FRAS1: variants seen among roughly 807,000 people sequenced by gnomAD.
FRAS1 encodes the protein Fraser extracellular matrix complex subunit 1.
A neutral mutation model predicts 435.2 loss-of-function variants in FRAS1; 290 were observed. The observed-to-expected ratio is 0.67, with a 90% CI of 0.61 to 0.73. The LOEUF (loss-of-function observed/expected upper bound fraction) is 0.73, where lower values mean the gene tolerates loss of function less well. FRAS1 is among the 30% of genes least tolerant of loss of function. The probability of loss-of-function intolerance (pLI) is 0.00; values close to 1 mark genes in which losing one functional copy is unlikely to be tolerated. For synonymous variants in FRAS1, 1,800 were observed against 1,851.0 expected (o/e 0.97, Z 0.71); for missense variants, 4,860 against 5,001.5 (o/e 0.97, Z 0.85).
intron 27 of FRAS1, among the ~76,000 whole-genome samples, chr4:78,382,739 A>C (rs1247777728): frequency 1.3e-5 from 2 of 152,232 alleles, no homozygotes; most frequent in Non-Finnish European, 1.5e-5. Context: ...ACAGTTTCGC[A>C]GTCTTGTGAC....
intron 35 of FRAS1, among the ~76,000 whole-genome samples, chr4:78,428,869 T>C (rs945888267): frequency 4.6e-5 from 7 of 152,198 alleles, no homozygotes; most frequent in African/African-American, 1.7e-4. Flanking sequence ...TTCTTTATCT[T>C]TTTTCTTATC....
At chr4:78,466,075 A>T in intron 49 of FRAS1, 133 bp from the exon 50 acceptor site, 1 of 657,994 alleles carries the variant, frequency 1.5e-6, no homozygotes, top group Non-Finnish European at 2.7e-6. Context: ...TTTGGTGTCT[A>T]TAAAGAAAAT....
At chr4:78,249,323 C>CTTT (rs11308579) in intron 4 of FRAS1, among the ~76,000 whole-genome samples, 484 of 47,212 alleles carry the variant, frequency 0.01, 15 homozygotes, top group East Asian at 0.014. Context: ...GCAGTGGAGC[C>CTTT]TTTTTTTTTT....
At chr4:78,461,753 AC>A (rs1157150036) in intron 47 of FRAS1, among the ~76,000 whole-genome samples, 2 of 152,246 alleles carry the variant, frequency 1.3e-5, no homozygotes, top group Non-Finnish European at 1.5e-5. Flanking sequence ...CTAGAGATTT[AC>A]CAAGAAGAAT....
intron 28 of FRAS1, 44 bp downstream of exon 28, chr4:78,384,187 A>G: frequency 2.4e-6 from 3 of 1,275,146 alleles, no homozygotes; most frequent in Non-Finnish European, 3.3e-6. Flanking sequence ...CATGACTACT[A>G]GTTCTCAAGC....
At chr4:78,275,393 C>T (rs1313518071) in intron 9 of FRAS1, among the ~76,000 whole-genome samples, 5 of 152,280 alleles carry the variant, frequency 3.3e-5, no homozygotes, top group Middle Eastern at 6.8e-3. Flanking sequence ...TTAGTTGATG[C>T]GGTTTCTTCC....
chr4:78,519,219 G>T, intron 66 of FRAS1, 112 bp from the exon 67 acceptor site: 1 of 848,946 alleles, frequency 1.2e-6, no homozygotes, highest in Non-Finnish European at 1.7e-6. Flanking sequence ...AATAATTATT[G>T]AATAAGTGTG....
At chr4:78,322,194 C>CCGTAT (rs1334047775) in intron 18 of FRAS1, among the ~76,000 whole-genome samples, 1 of 152,152 alleles carries the variant, frequency 6.6e-6, no homozygotes, top group Non-Finnish European at 1.5e-5. Flanking sequence ...GTCAGTCATC[C>CCGTAT]CGTATCTCTG....
At chr4:78,197,813 C>T (rs1398007711) in intron 2 of FRAS1, among the ~76,000 whole-genome samples, 2 of 151,824 alleles carry the variant, frequency 1.3e-5, no homozygotes, top group East Asian at 1.9e-4. Context: ...TGGTGGTGGG[C>T]GCCTGTAGTC....
chr4:78,504,366 T>C (rs746988410), intron 61 of FRAS1, among the ~76,000 whole-genome samples: 19 of 152,222 alleles, frequency 1.2e-4, no homozygotes, highest in Admixed American at 5.2e-4. Flanking sequence ...AATCTCTTTG[T>C]AGTCTCTAAG....
chr4:78,318,732 G>T (rs907296796), intron 17 of FRAS1, 78 bp from the exon 18 acceptor site: 171 of 1,392,670 alleles, frequency 1.2e-4, no homozygotes, highest in Non-Finnish European at 1.5e-4. Context: ...ACTTTTCTAA[G>T]TGGGTTTGAT....
intron 20 of FRAS1, among the ~76,000 whole-genome samples, chr4:78,362,633 T>A (rs528442042): frequency 6.6e-6 from 1 of 152,330 alleles, no homozygotes; most frequent in Admixed American, 6.5e-5. Context: ...CAGCCTTTTC[T>A]GGGTACTGGC....
chr4:78,158,971 G>C (rs1245519902), intron 2 of FRAS1, among the ~76,000 whole-genome samples: 5 of 152,150 alleles, frequency 3.3e-5, no homozygotes, highest in African/African-American at 1.2e-4. Context: ...GATCTTTACT[G>C]TACCTCATTG....
intron 26 of FRAS1, among the ~76,000 whole-genome samples, chr4:78,378,749 G>A (rs1731885674): frequency 6.6e-6 from 1 of 152,004 alleles, no homozygotes; most frequent in African/African-American, 2.4e-5. Context: ...AGTTATAGGA[G>A]TTCTTTATAT....
chr4:78,077,769 A>G (rs1429740347), intron 2 of FRAS1, among the ~76,000 whole-genome samples: 2 of 152,200 alleles, frequency 1.3e-5, no homozygotes, highest in Non-Finnish European at 2.9e-5. Flanking sequence ...GTGTTTTTCA[A>G]AAACCAAACC....
chr4:78,486,252 TAAG>T (rs1720165060), intron 58 of FRAS1, among the ~76,000 whole-genome samples: 1 of 152,212 alleles, frequency 6.6e-6, no homozygotes, highest in Non-Finnish European at 1.5e-5. Flanking sequence ...CATCAGTTAC[TAAG>T]AAGATTAGCG....
chr4:78,071,771 G>T (rs1392643727), intron 2 of FRAS1: 1 of 151,758 alleles, frequency 6.6e-6, no homozygotes. Context: ...ATAGATAGTG[G>T]CTACTATATT....
chr4:78,437,302 T>G (rs566629678), intron 38 of FRAS1, among the ~76,000 whole-genome samples: 279 of 152,336 alleles, frequency 1.8e-3, no homozygotes, highest in Non-Finnish European at 3.3e-3. Flanking sequence ...AGACAACACC[T>G]TAAAACTCTC....
chr4:78,423,717 G>A (rs1560719237), intron 34 of FRAS1, among the ~76,000 whole-genome samples: 1 of 152,128 alleles, frequency 6.6e-6, no homozygotes, highest in Admixed American at 6.6e-5. Context: ...GTGGGTATAG[G>A]CTTCCTCTTT....
Sources: gnomAD v4.1 joint callset for allele counts (sites outside exome capture counted in the v4.1 genomes callset) on GRCh38, gnomAD v4.1.1 for gene constraint, MANE v1.5 for transcripts, NCBI Gene and HGNC (gene_info 2026-07-23, HGNC 2026-07-21) for gene names.